The following BCAS3 variants were observed in gnomAD, a reference collection of about 807,000 sequenced individuals.
BCAS3 encodes the protein BCAS3 microtubule associated cell migration factor, also known as BCAS4/BCAS3 fusion.
A neutral mutation model predicts 116.1 loss-of-function variants in BCAS3; 53 were observed. That is an observed-to-expected ratio of 0.46 (90% confidence interval 0.37 to 0.57). The LOEUF (loss-of-function observed/expected upper bound fraction) is 0.57. Among genes scored for constraint, BCAS3 ranks in the 20% least tolerant of loss-of-function variants. The pLI is 0.00. For synonymous variants in BCAS3, 391 were observed against 408.2 expected (o/e 0.96, Z 0.51); for missense variants, 917 against 1,165.4 (o/e 0.79, Z 3.10).
intron 8 of BCAS3, among the ~76,000 whole-genome samples, chr17:60,871,852 T>C (rs557230347): frequency 6.6e-6 from 1 of 152,168 alleles, no homozygotes; most frequent in South Asian, 2.1e-4. Context: ...CCTTGTCTGT[T>C]TTTTTGTTTC....
chr17:60,725,720 A>G (rs2039755951), intron 5 of BCAS3, among the ~76,000 whole-genome samples: 1 of 152,218 alleles, frequency 6.6e-6, no homozygotes, highest in African/African-American at 2.4e-5. Context: ...TGTTCAGTCC[A>G]AAACATCAGT....
intron 20 of BCAS3, among the ~76,000 whole-genome samples, chr17:61,076,932 C>T (rs576153960): frequency 8.5e-5 from 13 of 152,276 alleles, no homozygotes; most frequent in East Asian, 1.9e-4. Flanking sequence ...CACAGGGCTA[C>T]ACTCTGTGAA....
chr17:61,375,247 T>TGTGTGTGTGTGCGCGCGCGCGCGCAC (rs1555861861), intron 23 of BCAS3, among the ~76,000 whole-genome samples: 19 of 129,760 alleles, frequency 1.5e-4, no homozygotes, highest in African/African-American at 6.4e-4. Context: ...TGTGTGTGTG[T>TGTGTGTGTGTGCGCGCGCGCGCGCAC]GTGTGTGTAC....
chr17:61,049,705 T>TTTTTCTTTTCTTTTC (rs757647271), intron 19 of BCAS3, among the ~76,000 whole-genome samples: 20 of 149,000 alleles, frequency 1.3e-4, no homozygotes, highest in African/African-American at 5.0e-4. Flanking sequence ...GATAAGCAGA[T>TTTTTCTTTTCTTTTC]TTTTCTTTTC....
At chr17:60,996,629 CAT>C (rs2063856689) in intron 15 of BCAS3, among the ~76,000 whole-genome samples, 2 of 152,078 alleles carry the variant, frequency 1.3e-5, no homozygotes, top group South Asian at 4.2e-4. Context: ...TAGTTGGTTA[CAT>C]GAGTCTGGAG....
At chr17:60,714,172 C>G (rs907172759) in intron 5 of BCAS3, among the ~76,000 whole-genome samples, 1 of 152,046 alleles carries the variant, frequency 6.6e-6, no homozygotes, top group African/African-American at 2.4e-5. Context: ...CTCACTATGT[C>G]GCCCAGATTG....
chr17:61,245,951 A>G (rs950767955), intron 22 of BCAS3, among the ~76,000 whole-genome samples: 1 of 152,098 alleles, frequency 6.6e-6, no homozygotes, highest in Non-Finnish European at 1.5e-5. Context: ...CTGGAAGGTC[A>G]CCTCCCCTAA....
In BCAS3 at chr17:61,082,900, T is replaced by C. The variant is rs2072753044; in HGVS notation, c.2328-1567T>C. Among the ~76,000 whole-genome samples, 1 of 152,216 alleles carries C rather than the reference T, an allele frequency of 6.6e-6. No homozygotes were observed. The highest frequency in any genetic ancestry group is 1.5e-5 in the Non-Finnish European group (1 of 68,032). Reference sequence around the variant, plus strand: ...TCATCCTATACCTCCCTCCTGTTTTTTCTTCCTCACAACAAAAGCATGCAT... The same window carrying C: ...TCATCCTATACCTCCCTCCTGTTTTCTCTTCCTCACAACAAAAGCATGCAT... On this transcript the variant is annotated intron_variant, in intron 21 of 23. Coordinates refer to ENST00000407086, the MANE Select transcript of BCAS3 (RefSeq NM_017679.5). The surrounding 1 kb of genome is among the most constrained non-coding windows in gnomAD (Gnocchi z 5.1).
intron 22 of BCAS3, among the ~76,000 whole-genome samples, chr17:61,150,807 C>A (rs150356986): frequency 2.6e-5 from 4 of 152,194 alleles, no homozygotes; most frequent in Non-Finnish European, 5.9e-5. Context: ...TTAACCCATC[C>A]TGACCTGGTC....
intron 22 of BCAS3, among the ~76,000 whole-genome samples, chr17:61,358,159 T>A (rs924739848): frequency 2.6e-5 from 4 of 152,156 alleles, no homozygotes; most frequent in Non-Finnish European, 5.9e-5. Context: ...ATAGCCTGAC[T>A]ACCCAGAGAC....
At chr17:61,090,803 A>G (rs899416593) in intron 22 of BCAS3, among the ~76,000 whole-genome samples, 10 of 152,068 alleles carry the variant, frequency 6.6e-5, no homozygotes, top group African/African-American at 1.9e-4. Context: ...GATTACAGGC[A>G]TGTGCCACCA....
chr17:60,795,482 C>G (rs1362282135), intron 6 of BCAS3, among the ~76,000 whole-genome samples: 2 of 152,060 alleles, frequency 1.3e-5, no homozygotes, highest in Non-Finnish European at 1.5e-5. Flanking sequence ...AGTGGGCATC[C>G]TTATCTTGTT....
At position 61,347,497 on chromosome 17, in the gene BCAS3, G is replaced by A. The variant is rs1189309238; in HGVS notation, c.2426-20830G>A. On this transcript the variant is annotated intron_variant, in intron 22 of 23. Transcript: ENST00000407086. This position sits in a 1 kb window ranked among gnomAD's most constrained non-coding sequence, Gnocchi z 4.3. ...TTCCTGCTAGGTGCCAGGAACTGAG[G>A]CACTGTGCTGTGCACTGGGGACAGA... Among the ~76,000 whole-genome samples, 1 of 152,228 alleles carries A rather than the reference G, an allele frequency of 6.6e-6. No individual in the cohort carries two copies. The highest frequency in any genetic ancestry group is 1.5e-5 in the Non-Finnish European group (1 of 68,042).
At chr17:60,877,454 A>G (rs1413347796) in intron 9 of BCAS3, among the ~76,000 whole-genome samples, 1 of 152,206 alleles carries the variant, frequency 6.6e-6, no homozygotes, top group East Asian at 1.9e-4. Flanking sequence ...AAAAGTGAAC[A>G]GGAGACTGAG....
intron 22 of BCAS3, among the ~76,000 whole-genome samples, chr17:61,280,994 TAA>T (rs1232348440): frequency 6.6e-6 from 1 of 152,186 alleles, no homozygotes; most frequent in African/African-American, 2.4e-5. Flanking sequence ...CAAAATGGTA[TAA>T]AAAGAGACCT....
chr17:61,181,909 C>T lies in BCAS3; in HGVS notation c.2425+97345C>T, dbSNP rs1206654295. ...TTAATCTTGAGACACGGTCTCACTC[C>T]GCTGCCCAGGCTGGAGTGCAGCGTC... is the stretch of plus-strand genomic sequence containing the variant. On this transcript the variant is annotated intron_variant, in intron 22 of 23. Transcript: ENST00000407086. This position sits in a 1 kb window ranked among gnomAD's most constrained non-coding sequence, Gnocchi z 5.0. 1.3e-5 allele frequency among the ~76,000 whole-genome samples: 2 copies of T among 151,818 alleles called. No homozygotes were observed. Among genetic ancestry groups the T allele is most frequent in the Non-Finnish European group, 1.5e-5 (1 of 67,930 alleles).
chr17:61,093,518 T>C (rs972508333), intron 22 of BCAS3, among the ~76,000 whole-genome samples: 8 of 151,960 alleles, frequency 5.3e-5, no homozygotes, highest in Middle Eastern at 3.2e-3. Context: ...GCCTGGGAGG[T>C]TGAGGCTGCA....
At chr17:61,039,291 G>A (rs952954632) in intron 18 of BCAS3, among the ~76,000 whole-genome samples, 28 of 151,952 alleles carry the variant, frequency 1.8e-4, no homozygotes, top group African/African-American at 6.3e-4. Flanking sequence ...TCCTTTTTAT[G>A]GCTACATAAT....
chr17:60,874,804 C>A, intron 9 of BCAS3, 66 bp downstream of exon 9: 8 of 967,696 alleles, frequency 8.3e-6, no homozygotes, highest in Non-Finnish European at 1.1e-5. Flanking sequence ...ACACAATCAG[C>A]AAACTAACTG....
Sources: allele counts gnomAD v4.1 joint callset (sites outside exome capture counted in the v4.1 genomes callset), GRCh38; gene constraint gnomAD v4.1.1; non-coding constraint Gnocchi (gnomAD v3.1); transcripts MANE v1.5; gene names NCBI Gene and HGNC (gene_info 2026-07-23, HGNC 2026-07-21).